The following PPFIA2 variants were observed in gnomAD, a reference collection of about 807,000 sequenced individuals.
PPFIA2 encodes the protein PPFI scaffold protein A2.
A neutral mutation model predicts 175.5 loss-of-function variants in PPFIA2; 46 were observed. That is an observed-to-expected ratio of 0.26 (90% CI 0.21 to 0.34). The LOEUF is 0.34. Among genes scored for constraint, PPFIA2 ranks in the 10% least tolerant of loss-of-function variants. The probability of loss-of-function intolerance (pLI) is 1.00; values close to 1 mark genes in which losing one functional copy is unlikely to be tolerated. For missense variants in PPFIA2, 1,179 were observed against 1,506.1 expected (o/e 0.78, Z 3.60); for synonymous variants, 568 against 511.4 (o/e 1.11, Z -1.49).
chr12:81,637,128 G>C (rs1336875845), intron 4 of PPFIA2, among the ~76,000 whole-genome samples: 1 of 149,564 alleles, frequency 6.7e-6, no homozygotes, highest in Admixed American at 6.7e-5. Flanking sequence ...GGAGTGCAAT[G>C]GTGTGATCTC....
intron 4 of PPFIA2, among the ~76,000 whole-genome samples, chr12:81,559,529 C>A (rs979318489): frequency 2.6e-5 from 4 of 152,072 alleles, no homozygotes; most frequent in Admixed American, 1.3e-4. Flanking sequence ...TGACTTTGAT[C>A]TAATGAGATT....
intron 4 of PPFIA2, among the ~76,000 whole-genome samples, chr12:81,635,918 T>TCA (rs774795992): frequency 5.5e-4 from 81 of 147,138 alleles, no homozygotes; most frequent in African/African-American, 1.9e-3. Context: ...AATCTCTCTC[T>TCA]CTCACACACA....
intron 18 of PPFIA2, among the ~76,000 whole-genome samples, chr12:81,345,064 T>C (rs1391166724): frequency 2.6e-5 from 4 of 152,002 alleles, no homozygotes; most frequent in Admixed American, 2.6e-4. Flanking sequence ...TTATTGGGAG[T>C]GAAGATCCAA....
At chr12:81,661,283 TGTACTGTATTCAG>T (rs1169982349) in intron 4 of PPFIA2, among the ~76,000 whole-genome samples, 3 of 152,182 alleles carry the variant, frequency 2.0e-5, no homozygotes, top group Non-Finnish European at 1.5e-5. Context: ...GACCCATCTG[TGTACTGTATTCAG>T]GAAACCCATC....
chr12:81,380,993 TG>T (rs2037542234), intron 9 of PPFIA2, among the ~76,000 whole-genome samples: 1 of 138,526 alleles, frequency 7.2e-6, no homozygotes, highest in Non-Finnish European at 1.5e-5. Context: ...TGTGTGTGTG[TG>T]TGTGTGTGTA....
chr12:81,448,192 C>A (rs1158899336), intron 5 of PPFIA2, among the ~76,000 whole-genome samples: 1 of 152,134 alleles, frequency 6.6e-6, no homozygotes, highest in Non-Finnish European at 1.5e-5. Context: ...ATCTTTTGAT[C>A]ACACTCTTCA....
At chr12:81,528,970 T>A (rs2064106025) in intron 4 of PPFIA2, among the ~76,000 whole-genome samples, 1 of 152,080 alleles carries the variant, frequency 6.6e-6, no homozygotes, top group Non-Finnish European at 1.5e-5. Flanking sequence ...GTAAAATGTA[T>A]CATATTCTAA....
At chr12:81,386,075 G>T (rs2038872120) in intron 8 of PPFIA2, among the ~76,000 whole-genome samples, 3 of 151,180 alleles carry the variant, frequency 2.0e-5, no homozygotes, top group Admixed American at 2.0e-4. Flanking sequence ...ATGAATTTGA[G>T]ACCAGCCTGG....
intron 4 of PPFIA2, among the ~76,000 whole-genome samples, chr12:81,482,393 T>A (rs1165157740): frequency 6.6e-6 from 1 of 152,230 alleles, no homozygotes; most frequent in Non-Finnish European, 1.5e-5. Context: ...ACTGGGTATA[T>A]ACCCAAAGGA....
chr12:81,592,576 T>A (rs764046529), intron 4 of PPFIA2, among the ~76,000 whole-genome samples: 3 of 152,126 alleles, frequency 2.0e-5, no homozygotes, highest in Non-Finnish European at 4.4e-5. Flanking sequence ...ATGAGTCTCA[T>A]GAGATCTGAC....
At chr12:81,748,689 G>A (rs12830985) in intron 3 of PPFIA2, among the ~76,000 whole-genome samples, 6,451 of 144,602 alleles carry the variant, frequency 0.045, 1,097 homozygotes, top group South Asian at 0.096. Context: ...AAGATCAGCT[G>A]AATCCCACAA....
intron 4 of PPFIA2, among the ~76,000 whole-genome samples, chr12:81,612,967 G>A (rs2061080444): frequency 6.6e-6 from 1 of 152,034 alleles, no homozygotes; most frequent in Non-Finnish European, 1.5e-5. Context: ...TATTATCATG[G>A]TGATAGCCCA....
chr12:81,693,157 T>C (rs2075456858), intron 3 of PPFIA2, among the ~76,000 whole-genome samples: 1 of 152,128 alleles, frequency 6.6e-6, no homozygotes, highest in Non-Finnish European at 1.5e-5. Flanking sequence ...AAGTCTCTTT[T>C]CAGGAAGCAT....
intron 3 of PPFIA2, among the ~76,000 whole-genome samples, chr12:81,711,781 ATT>A (rs1275120750): frequency 2.8e-5 from 4 of 140,582 alleles, no homozygotes; most frequent in Admixed American, 7.5e-5. Context: ...CTATACTTAC[ATT>A]TTTTTTTTTT....
At chr12:81,614,623 C>T (rs1416627132) in intron 4 of PPFIA2, among the ~76,000 whole-genome samples, 1 of 152,088 alleles carries the variant, frequency 6.6e-6, no homozygotes, top group Non-Finnish European at 1.5e-5. Context: ...CCACTCTTAC[C>T]TTGCTAGCAA....
Position 81,327,578 on chromosome 12 carries a change from A to G in PPFIA2, c.2549-1708T>C, listed in dbSNP as rs993574933. Among the ~76,000 whole-genome samples, 4 of 152,264 alleles carry G rather than the reference A, an allele frequency of 2.6e-5. 1 individual carries two copies. Among genetic ancestry groups the G allele is most frequent in the South Asian group, 4.1e-4 (2 of 4,822 alleles). The stretch of plus-strand genomic sequence containing the variant: ...CACTTAAAAGTTATAAAATTCTTGA[A>G]TGGTCCATATAGGGACATAGAGATT... On this transcript the variant is annotated intron_variant, in intron 21 of 32. Coordinates refer to ENST00000549396, the MANE Select transcript of PPFIA2 (RefSeq NM_003625.5).
chr12:81,367,728 A>T (rs1012248999), intron 13 of PPFIA2, among the ~76,000 whole-genome samples: 72 of 151,812 alleles, frequency 4.7e-4, no homozygotes, highest in African/African-American at 1.7e-3. Flanking sequence ...CAGTGGAAAT[A>T]AGTTGGCATC....
At chr12:81,283,087 A>T (rs2042442528) in intron 25 of PPFIA2, 48 bp from the exon 26 acceptor site, 1 of 1,583,086 alleles carries the variant, frequency 6.3e-7, no homozygotes. Flanking sequence ...AATATAAATT[A>T]ATTTCAAATC....
intron 4 of PPFIA2, among the ~76,000 whole-genome samples, chr12:81,623,474 G>T (rs1420299111): frequency 6.6e-6 from 1 of 151,882 alleles, no homozygotes; most frequent in African/African-American, 2.4e-5. Context: ...CTAGAATTGG[G>T]ACACATTTGT....
Sources: gnomAD v4.1 joint callset for allele counts (sites outside exome capture counted in the v4.1 genomes callset) on GRCh38, gnomAD v4.1.1 for gene constraint, MANE v1.5 for transcripts, NCBI Gene and HGNC (gene_info 2026-07-23, HGNC 2026-07-21) for gene names.